FLG: variants seen among roughly 807,000 people sequenced by gnomAD.
The protein encoded by FLG is filaggrin.
In FLG, 6 loss-of-function variants were observed where a neutral mutation model predicts 3.8. The ratio of observed to expected loss-of-function variants is 1.60; its 90% CI spans 0.87 to 3.15. The LOEUF is 3.15. Among genes scored for constraint, FLG ranks in the 30% most tolerant of loss-of-function variants. The pLI is 0.00. For synonymous variants in FLG, 2,551 were observed against 1,931.6 expected, an observed-to-expected ratio of 1.32 and a Z score of -8.41; for missense variants, 7,595 against 5,050.9, an observed-to-expected ratio of 1.50 and a Z score of -15.27.
Position 152,307,476 on chromosome 1 carries a change from A to C in FLG, c.7410T>G (p.Ser2470Arg), listed in dbSNP as rs200926982. 3 of 1,612,200 alleles carry C rather than the reference A, an allele frequency of 1.9e-6. No homozygotes were observed. In the South Asian group the frequency reaches 3.3e-5, roughly 18 times the overall value. Residue 2470 changes from serine to arginine, a missense_variant, in exon 3 of 3, where the codon AGT (serine) becomes AGG (arginine). Coordinates refer to ENST00000368799, the MANE Select transcript of FLG (RefSeq NM_002016.2). ...DTIHGHPGSS[S>R]GGRQGSHYEQ... Reference sequence around the variant, plus strand: ...CGTAGTGGGATCCCTGCCTTCCTCCACTGCTTGACCCCGGGTGTCCATGAA... The same window carrying C: ...CGTAGTGGGATCCCTGCCTTCCTCCCCTGCTTGACCCCGGGTGTCCATGAA...
At position 152,307,672 on chromosome 1, in the gene FLG, G is replaced by T. The variant is rs570868709; in HGVS notation, c.7214C>A (p.Ala2405Glu). 6.2e-7 allele frequency: 1 copy of T among 1,612,582 alleles called. No individual in the cohort carries two copies. The highest frequency in any genetic ancestry group is 1.3e-5 in the African/African-American group (1 of 74,702). ...AGACCCTGAACGTCCAGACCTTCCT[G>T]CTGACCGGCCACGTGTGGACTCTTG... ...SHQESTRGRS[A>E]GRSGRSGSFL... The change falls in exon 3 of 3, where the codon GCA becomes GAA. Residue 2405 changes from alanine (A) to glutamate (E), a missense_variant. Coordinates refer to ENST00000368799, the MANE Select transcript of FLG (RefSeq NM_002016.2).
Position 152,308,201 on chromosome 1 carries a change from G to A in FLG, c.6685C>T (p.Gln2229Ter), listed in dbSNP as rs1652115967. 1 of 1,613,984 alleles carries A rather than the reference G, an allele frequency of 6.2e-7. No homozygotes were observed. The highest frequency in any genetic ancestry group is 1.1e-5 in the South Asian group (1 of 91,066). ...SSRHSLVGQG[Q>*]SSGPRTSRPR... ...CTGCTTGTCCTGGGCCCTGATGATT[G>A]TCCCTGGCCCACCAGTGAGTGTCTA... Residue 2229 changes from glutamine (Q) to a stop codon, truncating the protein, a stop_gained, in exon 3 of 3, where the codon CAA becomes TAA. Transcript: ENST00000368799. LOFTEE classifies it low-confidence loss of function (END_TRUNC).
chr1:152,313,683 C>G lies in FLG; in HGVS notation c.1203G>C (p.Gly401=), dbSNP rs1469828529. Residue 401 remains glycine, a synonymous_variant, in exon 3 of 3, where the codon GGG becomes GGC. Coordinates refer to ENST00000368799, the MANE Select transcript of FLG (RefSeq NM_002016.2). ...SADSSRHSAT[G]RGQASSAVSD... is the part of the protein sequence containing the mutation. ...TGACTGCAGATGAAGCTTGCCCGCG[C>G]CCAGTGGCTGAGTGTCTGGAGCTGT... The G allele has an allele frequency of 6.2e-7, 1 of 1,614,048 alleles. No individual in the cohort carries two copies. Among genetic ancestry groups the G allele is most frequent in the Non-Finnish European group, 8.5e-7 (1 of 1,180,008 alleles).
At chr1:152,318,366 A>T (rs1277685307) in intron 1 of FLG, among the ~76,000 whole-genome samples, 2 of 151,906 alleles carry the variant, frequency 1.3e-5, no homozygotes, top group African/African-American at 4.8e-5. Context: ...TCATCATCTT[A>T]CTTAATCTCT....
chr1:152,303,881 C>G lies in FLG; in HGVS notation c.11005G>C (p.Gly3669Arg). Residue 3669 changes from glycine (G) to arginine (R), a missense_variant, in exon 3 of 3, where the codon GGA (glycine) becomes CGA (arginine). Coordinates refer to ENST00000368799, the MANE Select transcript of FLG (RefSeq NM_002016.2). ...SSGSQASDSEGHSEDSDTQSV... is the reference protein window; with the variant it reads ...SSGSQASDSERHSEDSDTQSV... ...TGTGTGTCTGAGTCTTCTGAATGTCCCTCACTGTCACTGGCCTGACTACCA... is the reference window on the plus strand; with the variant it reads ...TGTGTGTCTGAGTCTTCTGAATGTCGCTCACTGTCACTGGCCTGACTACCA... The G allele has an allele frequency of 6.2e-7, 1 of 1,613,870 alleles. No individual in the cohort carries two copies. The highest frequency in any genetic ancestry group is 8.5e-7 in the Non-Finnish European group (1 of 1,179,950).
rs1653110472 is a variant in FLG, at chr1:152,325,231, C to A, written c.-64G>T. The A allele has an allele frequency of 1.3e-5, 2 of 151,896 alleles. No individual in the cohort carries two copies. Among genetic ancestry groups the A allele is most frequent in the Admixed American group, 1.3e-4 (2 of 15,242 alleles). The allele number at this position is 151,896 out of a possible 1,614,324, so 9.4% of individuals were successfully genotyped here. On this transcript the variant is annotated 5_prime_UTR_variant, in exon 1 of 3. The change creates a new upstream start codon in the 5' untranslated region. Coordinates refer to ENST00000368799, the MANE Select transcript of FLG (RefSeq NM_002016.2). ...CAAATAGAATGTAGCCTGAAGGAGC[C>A]TGCTGGGTACTGAAGGCTGAGATAA...
In FLG at chr1:152,311,620, T is replaced by G. The variant is rs1392790579; in HGVS notation, c.3266A>C (p.His1089Pro). The change falls in exon 3 of 3, where the codon CAT (histidine) becomes CCT (proline). Residue 1089 changes from histidine to proline, a missense_variant. By Grantham distance (77) the His-to-Pro change is moderately conservative. Transcript: ENST00000368799. The part of the protein sequence containing the change: ...EESDTQSVSG[H>P]GQDGPHQQSH... ...CTGCTGATGGGGCCCATCCTGTCCA[T>G]GGCCTGACACTGACTGTGTGTCTGA... is the stretch of plus-strand genomic sequence containing the variant. 6.2e-7 allele frequency: 1 copy of G among 1,614,006 alleles called. No homozygotes were observed. Among genetic ancestry groups the G allele is most frequent in the African/African-American group, 1.3e-5 (1 of 74,910 alleles).
rs573959413 is a variant in FLG, at chr1:152,308,460, C to G, written c.6426G>C (p.Pro2142=). The change falls in exon 3 of 3, where the codon CCG becomes CCC. Residue 2142 remains proline, a synonymous_variant. Coordinates refer to ENST00000368799, the MANE Select transcript of FLG (RefSeq NM_002016.2). ...QEGQDTIRGH[P]GPSRGGRQGS... ...CCTGTCTTCCTCCTCTGCTTGGCCC[C>G]GGGTGTCCACGAATGGTGTCCTGAC... The G allele has an allele frequency of 1.2e-6, 2 of 1,613,696 alleles. No homozygotes were observed. The highest frequency in any genetic ancestry group is 2.7e-5 in the African/African-American group (2 of 74,940).
chr1:152,313,751 T>C lies in FLG; in HGVS notation c.1135A>G (p.Ser379Gly). 5.0e-6 allele frequency: 8 copies of C among 1,614,130 alleles called. No individual in the cohort carries two copies. Among genetic ancestry groups the C allele is most frequent in the Non-Finnish European group, 6.8e-6 (8 of 1,179,990 alleles). The change falls in exon 3 of 3, where the codon AGT (serine) becomes GGT (glycine). Residue 379 changes from serine to glycine, a missense_variant. Transcript: ENST00000368799. ...TASSHEQARS[S>G]PGERHGSGHQ... ...CCGGATCCATGTCTTTCTCCTGGAC[T>C]TGATCTTGCCTGTTCATGGGATGAT...
chr1:152,309,525 T>G lies in FLG; in HGVS notation c.5361A>C (p.Gly1787=). ...GCTCGTGGCGGGATCTTTGTCTTCCTCCAGTGCTGGGCCCTGTGCGTCCAT... is the reference window on the plus strand; with the variant it reads ...GCTCGTGGCGGGATCTTTGTCTTCCGCCAGTGCTGGGCCCTGTGCGTCCAT... ...SAHGRTGPST[G]GRQRSRHEQA... is the part of the protein sequence containing the mutation. Residue 1787 remains glycine (G), a synonymous_variant, in exon 3 of 3, where the codon GGA becomes GGC. Transcript: ENST00000368799. 8 of 1,613,832 alleles carry G rather than the reference T, an allele frequency of 5.0e-6. No individual in the cohort carries two copies. The highest frequency in any genetic ancestry group is 5.9e-6 in the Non-Finnish European group (7 of 1,179,958).
rs1280105958 is a variant in FLG, at chr1:152,304,764, G to A, written c.10122C>T (p.Asp3374=). 5.0e-6 allele frequency: 8 copies of A among 1,613,646 alleles called. No homozygotes were observed. Among genetic ancestry groups the A allele is most frequent in the Non-Finnish European group, 3.4e-6 (4 of 1,179,906 alleles). ...AACGTCCAGACCTTCCCCCTGACCG[G>A]TCACGTGCGGACTCTTGGTGGCTCT... ...HQQSHQESAR[D]RSGGRSGRSG... is the part of the protein sequence containing the mutation. The change falls in exon 3 of 3, where the codon GAC becomes GAT. Residue 3374 remains aspartate, a synonymous_variant. Transcript: ENST00000368799.
At position 152,314,015 on chromosome 1, in the gene FLG, T is replaced by C. The variant is rs931271894; in HGVS notation, c.871A>G (p.Lys291Glu). 1.9e-6 allele frequency: 3 copies of C among 1,614,058 alleles called. No homozygotes were observed. In the African/African-American group the frequency reaches 4.0e-5, roughly 22 times the overall value. Residue 291 changes from lysine (K) to glutamate (E), a missense_variant, in exon 3 of 3, where the codon AAG becomes GAG. By Grantham distance (56) the Lys-to-Glu change is moderately conservative (BLOSUM62 1). Transcript: ENST00000368799. ...TGGCTAACTCTGGATCCCCTACGCTTTCTTGTCCTGGACTCCTGCAATGGT... is the reference window on the plus strand; with the variant it reads ...TGGCTAACTCTGGATCCCCTACGCTCTCTTGTCCTGGACTCCTGCAATGGT... ...QVPLQESRTRKRRGSRVSQDR... is the reference protein window; with the variant it reads ...QVPLQESRTRERRGSRVSQDR...
chr1:152,315,613 A>G (rs1652761203), intron 1 of FLG, 136 bp from the exon 2 acceptor site: 2 of 653,752 alleles, frequency 3.1e-6, no homozygotes, highest in Non-Finnish European at 5.0e-6. Context: ...TGGACATGAG[A>G]AACTTTTCTC....
chr1:152,303,120 A>G lies in FLG; in HGVS notation c.11766T>C (p.Ser3922=). 1 of 1,614,224 alleles carries G rather than the reference A, an allele frequency of 6.2e-7. No homozygotes were observed. Among genetic ancestry groups the G allele is most frequent in the Non-Finnish European group, 8.5e-7 (1 of 1,180,038 alleles). The change falls in exon 3 of 3, where the codon TCT becomes TCC. Residue 3922 remains serine, a synonymous_variant. Transcript: ENST00000368799. The part of the protein sequence containing the change: ...HVQSSPVQSD[S]STAKEHGHFS... ...AGTGACCATGTTCCTTAGCGGTACT[A>G]GAGTCTGACTGTACAGGTGAAGACT... is the stretch of plus-strand genomic sequence containing the variant.
At position 152,304,002 on chromosome 1, in the gene FLG, G is replaced by C. The variant is rs1236876059; in HGVS notation, c.10884C>G (p.Ser3628=). 42 of 1,613,934 alleles carry C rather than the reference G, an allele frequency of 2.6e-5. No homozygotes were observed. Among genetic ancestry groups the C allele is most frequent in the Non-Finnish European group, 3.5e-5 (41 of 1,180,004 alleles). The change falls in exon 3 of 3, where the codon TCC becomes TCG. Residue 3628 remains serine, a synonymous_variant. Coordinates refer to ENST00000368799, the MANE Select transcript of FLG (RefSeq NM_002016.2). ...ARSSAGERHG[S]HHQQSADSSR... ...AGCTGTCTGCTGACTGCTGGTGGTG[G>C]GATCCATGTCTCTCTCCTGCACTTG...
At position 152,312,449 on chromosome 1, in the gene FLG, T is replaced by G. The variant is rs1237560631; in HGVS notation, c.2437A>C (p.Ser813Arg). ...SESSHGWTGP[S>R]TGVRQGSHHE... ...TGGGATCCTTGTCTTACTCCAGTGC[T>G]GGGCCCTGTCCATCCATGGGAGGAC... is the stretch of plus-strand genomic sequence containing the variant. Residue 813 changes from serine to arginine, a missense_variant, in exon 3 of 3, where the codon AGC becomes CGC. Coordinates refer to ENST00000368799, the MANE Select transcript of FLG (RefSeq NM_002016.2). 15 of 1,613,734 alleles carry G rather than the reference T, an allele frequency of 9.3e-6. No individual in the cohort carries two copies. The highest frequency in any genetic ancestry group is 1.0e-5 in the Non-Finnish European group (12 of 1,179,906).
chr1:152,302,873 G>T lies in FLG; in HGVS notation c.12013C>A (p.Pro4005Thr). 1 of 1,614,144 alleles carries T rather than the reference G, an allele frequency of 6.2e-7. No homozygotes were observed. The highest frequency in any genetic ancestry group is 1.1e-5 in the South Asian group (1 of 91,080). The part of the protein sequence containing the change: ...QHGSVSYNSN[P>T]VVFKERSDIC... ...TCAGATCTTTCCTTGAAAACAACAG[G>T]ATTGGAATTGTAACTAACACTTCCG... The change falls in exon 3 of 3, where the codon CCT (proline) becomes ACT (threonine). Residue 4005 changes from proline to threonine, a missense_variant. By Grantham distance (38) the Pro-to-Thr change is conservative. Transcript: ENST00000368799.
At position 152,303,373 on chromosome 1, in the gene FLG, T is replaced by C. The variant is rs1215674926; in HGVS notation, c.11513A>G (p.Asp3838Gly). Residue 3838 changes from aspartate to glycine, a missense_variant, in exon 3 of 3, where the codon GAC becomes GGC. Asp to Gly is a moderately conservative substitution (Grantham distance 94, BLOSUM62 -1). Transcript: ENST00000368799. ...GCCGGACTGTGAGTGTCTAGAGCTG[T>C]CAGCCTGAGTGGAAGCTTCATGGTG... ...SRHHEASTQA[D>G]SSRHSQSGQG... 2 of 1,613,988 alleles carry C rather than the reference T, an allele frequency of 1.2e-6. No individual in the cohort carries two copies. The highest frequency in any genetic ancestry group is 8.5e-7 in the Non-Finnish European group (1 of 1,180,026).
chr1:152,304,177 T>A lies in FLG; in HGVS notation c.10709A>T (p.Gln3570Leu), dbSNP rs1311791074. The stretch of plus-strand genomic sequence containing the variant: ...GGGGTGTCTGGAGCCATCTCTTGAC[T>A]GCTCCTGAGCAGATCCACGATGGTT... ...SRNHRGSAQE[Q>L]SRDGSRHPTS... The change falls in exon 3 of 3, where the codon CAG becomes CTG. Residue 3570 changes from glutamine (Q) to leucine (L), a missense_variant. Coordinates refer to ENST00000368799, the MANE Select transcript of FLG (RefSeq NM_002016.2). 8.1e-6 allele frequency: 13 copies of A among 1,607,908 alleles called. No individual in the cohort carries two copies. The highest frequency in any genetic ancestry group is 1.0e-5 in the Non-Finnish European group (12 of 1,179,140).
Sources: gnomAD v4.1 joint callset for allele counts (sites outside exome capture counted in the v4.1 genomes callset) on GRCh38, gnomAD v4.1.1 for gene constraint, MANE v1.5 for transcripts, NCBI Gene and HGNC (gene_info 2026-07-23, HGNC 2026-07-21) for gene names.